WDR41: variants seen among roughly 807,000 people sequenced by gnomAD.
The protein encoded by WDR41 is WD repeat-containing protein 41.
A neutral mutation model predicts 69.3 loss-of-function variants in WDR41; 63 were observed. The observed-to-expected ratio is 0.91, with a 90% CI of 0.74 to 1.12. The LOEUF is 1.12. Among genes scored for constraint, WDR41 ranks in the 50% most tolerant of loss-of-function variants. WDR41 has a pLI of 0.00. For missense variants in WDR41, 543 were observed against 534.5 expected, an observed-to-expected ratio of 1.02 and a Z score of -0.16; for synonymous variants, 185 against 192.1, an observed-to-expected ratio of 0.96 and a Z score of 0.31.
chr5:77,487,301 A>G (rs1487955050), intron 2 of WDR41, among the ~76,000 whole-genome samples: 1 of 152,228 alleles, frequency 6.6e-6, no homozygotes, highest in Non-Finnish European at 1.5e-5. Context: ...TACTAGGGTA[A>G]AATATAGCGC....
chr5:77,483,533 G>A (rs1346039218), intron 2 of WDR41, among the ~76,000 whole-genome samples: 9 of 148,994 alleles, frequency 6.0e-5, no homozygotes, highest in Non-Finnish European at 8.9e-5. Context: ...TGTATGCAAC[G>A]TATGCATTGA....
chr5:77,570,062 T>C (rs1743707689), intron 1 of WDR41, among the ~76,000 whole-genome samples: 1 of 152,100 alleles, frequency 6.6e-6, no homozygotes, highest in Non-Finnish European at 1.5e-5. Context: ...AAACAAAAAC[T>C]CTAATCCTAT....
intron 1 of WDR41, among the ~76,000 whole-genome samples, chr5:77,568,196 C>A (rs1428707841): frequency 6.6e-6 from 1 of 152,096 alleles, no homozygotes; most frequent in East Asian, 1.9e-4. Flanking sequence ...ATGAAATGTA[C>A]AAGATAGTGA....
intron 1 of WDR41, among the ~76,000 whole-genome samples, chr5:77,512,527 G>A (rs936054579): frequency 2.0e-5 from 3 of 151,332 alleles, no homozygotes; most frequent in Non-Finnish European, 2.9e-5. Context: ...CGAGGCAGGC[G>A]GATCATGAGG....
chr5:77,609,433 C>T (rs1314387121), intron 1 of WDR41, among the ~76,000 whole-genome samples: 5 of 152,294 alleles, frequency 3.3e-5, no homozygotes, highest in Non-Finnish European at 5.9e-5. Flanking sequence ...ACACCTCACA[C>T]GGCCAGGTAC....
rs550739054 is a variant in WDR41, at chr5:77,531,874, C to T, written c.43-42302G>A. The stretch of plus-strand genomic sequence containing the variant: ...ACAAAAGGTCGCATATTATATGACT[C>T]CATTCATATAAAATATCCAAAAGAG... On this transcript the variant is annotated intron_variant, in intron 1 of 5. Transcript: ENST00000509971. Among the ~76,000 whole-genome samples, 4 of 151,906 alleles carry T rather than the reference C, an allele frequency of 2.6e-5. No homozygotes were observed. In the East Asian group the frequency reaches 5.8e-4, roughly 22 times the overall value.
In WDR41 at chr5:77,464,416, C is replaced by A. The variant is rs1800205307; in HGVS notation, c.216+345G>T. 2.0e-5 allele frequency among the ~76,000 whole-genome samples: 3 copies of A among 149,604 alleles called. No individual in the cohort carries two copies. The Admixed American group carries it at 2.0e-4, about 10-fold the overall frequency. Reference sequence around the variant, plus strand: ...ATGTGCCACTATGCCCAGCTGATTTCTAGTATTTTTAGTAGAGACGGGGTC... The same window carrying A: ...ATGTGCCACTATGCCCAGCTGATTTATAGTATTTTTAGTAGAGACGGGGTC... On this transcript the variant is annotated intron_variant, in intron 3 of 12. Coordinates refer to ENST00000296679, the MANE Select transcript of WDR41 (RefSeq NM_018268.4).
intron 1 of WDR41, among the ~76,000 whole-genome samples, chr5:77,602,991 T>C (rs1744352283): frequency 6.7e-6 from 1 of 150,048 alleles, no homozygotes; most frequent in African/African-American, 2.5e-5. Context: ...CAGGCTAGAG[T>C]GCAGTGGCTC....
chr5:77,473,242 T>C (rs1304802299), intron 2 of WDR41, among the ~76,000 whole-genome samples: 2 of 152,368 alleles, frequency 1.3e-5, no homozygotes, highest in Non-Finnish European at 2.9e-5. Flanking sequence ...GCTAGTCATA[T>C]GCAGAAAGCT....
chr5:77,435,917 C>A (rs1287368701), intron 12 of WDR41, among the ~76,000 whole-genome samples: 1 of 152,202 alleles, frequency 6.6e-6, no homozygotes, highest in Non-Finnish European at 1.5e-5. Flanking sequence ...AAGGCTTTAA[C>A]TGTATACACA....
At position 77,431,045 on chromosome 5, in the gene WDR41, T is replaced by G. The variant is rs897751076; in HGVS notation, c.*2090A>C. 6.6e-6 allele frequency: 1 copy of G among 152,202 alleles called. No homozygotes were observed. Among genetic ancestry groups the G allele is most frequent in the African/African-American group, 2.4e-5 (1 of 41,448 alleles). The allele number at this position is 152,202 out of a possible 1,614,324, so 9.4% of individuals were successfully genotyped here. A position where few individuals can be genotyped will look rare whatever the true frequency, so the allele number is the denominator to read the frequency against. ...TTCCACAGTGAAGATGCTGTAAACA[T>G]AGTTGAAATGACAACAAAGGATTTA... is the stretch of plus-strand genomic sequence containing the variant. On this transcript the variant is annotated 3_prime_UTR_variant, in exon 13 of 13. Coordinates refer to ENST00000296679, the MANE Select transcript of WDR41 (RefSeq NM_018268.4).
chr5:77,609,475 T>C (rs1489268579), intron 1 of WDR41, among the ~76,000 whole-genome samples: 3 of 152,172 alleles, frequency 2.0e-5, no homozygotes, highest in Admixed American at 1.3e-4. Context: ...GAGGAACGAC[T>C]GGACAGCAGC....
chr5:77,560,232 T>G (rs1446372567), intron 1 of WDR41, among the ~76,000 whole-genome samples: 1 of 152,158 alleles, frequency 6.6e-6, no homozygotes, highest in Non-Finnish European at 1.5e-5. Context: ...GAAGTATGAG[T>G]CTCTTATACC....
chr5:77,611,371 C>A (rs2112341118), intron 1 of WDR41, among the ~76,000 whole-genome samples: 1 of 152,348 alleles, frequency 6.6e-6, no homozygotes, highest in Non-Finnish European at 1.5e-5. Context: ...CAGCACCACA[C>A]CACACCTATT....
At chr5:77,491,106 A>C (rs1801758636) in intron 1 of WDR41, 1 of 370,370 alleles carries the variant, frequency 2.7e-6, no homozygotes, top group Non-Finnish European at 5.5e-6. Context: ...TCACAAAAGA[A>C]GTGAAAATGC....
intron 2 of WDR41, among the ~76,000 whole-genome samples, chr5:77,470,373 A>C (rs1308164819): frequency 6.6e-6 from 1 of 152,200 alleles, no homozygotes; most frequent in African/African-American, 2.4e-5. Context: ...GCATCAACTA[A>C]CAAGCAAAAT....
chr5:77,499,025 A>G (rs1188074577), intron 1 of WDR41, among the ~76,000 whole-genome samples: 1 of 152,184 alleles, frequency 6.6e-6, no homozygotes, highest in Non-Finnish European at 1.5e-5. Context: ...AGGTAGGTGA[A>G]AAAGGACTTC....
intron 1 of WDR41, among the ~76,000 whole-genome samples, chr5:77,524,592 CAAAT>C (rs1354135457): frequency 6.9e-6 from 1 of 145,042 alleles, no homozygotes; most frequent in African/African-American, 2.6e-5. Context: ...ATCCTGTCTC[CAAAT>C]AAATAGATAA....
intron 1 of WDR41, among the ~76,000 whole-genome samples, chr5:77,613,015 G>C (rs1169931216): frequency 1.3e-5 from 2 of 149,544 alleles, no homozygotes; most frequent in African/African-American, 2.4e-5. Context: ...CAAACAGAGA[G>C]CCAAATCATG....
Sources: allele counts gnomAD v4.1 joint callset (sites outside exome capture counted in the v4.1 genomes callset), GRCh38; gene constraint gnomAD v4.1.1; transcripts MANE v1.5; gene names NCBI Gene and HGNC (gene_info 2026-07-23, HGNC 2026-07-21).